FBXW9: variants seen among roughly 807,000 people sequenced by gnomAD.
FBXW9 encodes F-box and WD repeat domain containing 9, also known as F-box/WD repeat-containing protein 9.
A neutral mutation model predicts 55.8 loss-of-function variants in FBXW9; 38 were observed. That is an observed-to-expected ratio of 0.68 (90% confidence interval 0.53 to 0.89). The LOEUF (loss-of-function observed/expected upper bound fraction) is 0.89. FBXW9 is among the 40% of genes least tolerant of loss of function. The probability of loss-of-function intolerance (pLI) is 0.00; values close to 1 mark genes in which losing one functional copy is unlikely to be tolerated. For synonymous variants in FBXW9, 289 were observed against 278.2 expected (o/e 1.04, Z -0.38); for missense variants, 590 against 619.4 (o/e 0.95, Z 0.50).
intron 1 of FBXW9, 29 bp from the exon 2 acceptor site, chr19:12,694,967 G>A (rs1335102563): frequency 1.3e-5 from 21 of 1,603,850 alleles, no homozygotes; most frequent in African/African-American, 1.3e-5. Flanking sequence ...AGGGTGCCCA[G>A]TGGGCAGGGA....
At position 12,691,379 on chromosome 19, in the gene FBXW9, C is replaced by G. The variant is rs908256044; in HGVS notation, c.754G>C (p.Asp252His). The part of the protein sequence containing the change: ...GSWDSTVKLW[D>H]MAADGQQFGE... The stretch of plus-strand genomic sequence containing the variant: ...AACTGCTGCCCATCCGCTGCCATGT[C>G]CCAGAGCTTCACTGTGCTGTCCCAG... The change falls in exon 4 of 10, where the codon GAC becomes CAC. Residue 252 changes from aspartate (D) to histidine (H), a missense_variant. Coordinates refer to ENST00000393261, the MANE Select transcript of FBXW9 (RefSeq NM_032301.3). 6.2e-7 allele frequency: 1 copy of G among 1,613,132 alleles called. No homozygotes were observed. The highest frequency in any genetic ancestry group is 8.5e-7 in the Non-Finnish European group (1 of 1,179,624).
chr19:12,689,331 G>A lies in FBXW9; in HGVS notation c.1302+41C>T, dbSNP rs368302105. ...AACATGAGGAGTCAGGGACGATGGC[G>A]CTCTGGCCAGCTGGGCAGGGCACAT... On this transcript the variant is annotated intron_variant, in intron 9 of 9. Coordinates refer to ENST00000393261, the MANE Select transcript of FBXW9 (RefSeq NM_032301.3). This position sits in a 1 kb window ranked among gnomAD's most constrained non-coding sequence, Gnocchi z 5.9. 1.6e-5 allele frequency: 26 copies of A among 1,613,998 alleles called. No individual in the cohort carries two copies. In the Admixed American group the frequency reaches 1.7e-4, roughly 10 times the overall value.
In FBXW9 at chr19:12,691,193, TGTCATA is replaced by T; in HGVS notation, c.850_855del (p.Tyr284_Asp285del). 7 of 1,614,146 alleles carry T rather than the reference TGTCATA, an allele frequency of 4.3e-6. No individual in the cohort carries two copies. Among genetic ancestry groups the T allele is most frequent in the Non-Finnish European group, 5.1e-6 (6 of 1,180,022 alleles). ...CTGGGGTCGTAGATGGTCACCTTCTTGTCATAGGTGCCAGTCACCAGGATGTCAGGC... is the reference window on the plus strand; with the variant it reads ...CTGGGGTCGTAGATGGTCACCTTCTTGGTGCCAGTCACCAGGATGTCAGGC... On this transcript the variant is annotated inframe_deletion, in exon 5 of 10. Coordinates refer to ENST00000393261, the MANE Select transcript of FBXW9 (RefSeq NM_032301.3).
In FBXW9 at chr19:12,689,990, CG is replaced by C; in HGVS notation, c.1003del (p.Arg335GlufsTer117). The C allele has an allele frequency of 1.9e-6, 3 of 1,613,796 alleles. No individual in the cohort carries two copies. Among genetic ancestry groups the C allele is most frequent in the Non-Finnish European group, 2.5e-6 (3 of 1,179,942 alleles). ...CAGACGCTGCAGGACGCTGTTGGCT[CG>C]GCGGTCCACCACCACCAGGGTGTGG... ...EDHTLVVVDR[R>X]ANSVLQRLQL... On this transcript the variant is annotated frameshift_variant, in exon 6 of 10. Coordinates refer to ENST00000393261, the MANE Select transcript of FBXW9 (RefSeq NM_032301.3). LOFTEE classifies it high-confidence loss of function. This position sits in a 1 kb window ranked among gnomAD's most constrained non-coding sequence, Gnocchi z 5.9.
rs756631556 is a variant in FBXW9 at position 12,689,453 on chromosome 19, G to A, written c.1237-16C>T. The A allele has an allele frequency of 1.2e-6, 2 of 1,614,174 alleles. No individual in the cohort carries two copies. The highest frequency in any genetic ancestry group is 2.2e-5 in the South Asian group (2 of 91,078). On this transcript the variant is annotated splice_polypyrimidine_tract_variant and intron_variant, in intron 8 of 9. Transcript: ENST00000393261. The surrounding 1 kb of genome is among the most constrained non-coding windows in gnomAD (Gnocchi z 5.9). ...GCACGTGCACCTAGTGAGGGGCAATGGGCGAGGTCAAGAGGTGTGCCCCTG... is the reference window on the plus strand; with the variant it reads ...GCACGTGCACCTAGTGAGGGGCAATAGGCGAGGTCAAGAGGTGTGCCCCTG...
At chr19:12,690,697 T>C (rs545785216) in intron 5 of FBXW9, among the ~76,000 whole-genome samples, 1 of 152,218 alleles carries the variant, frequency 6.6e-6, no homozygotes, top group African/African-American at 2.4e-5. Flanking sequence ...GGTGGGTGGA[T>C]CACCTGAGGT....
chr19:12,692,959 C>T (rs897416483), intron 3 of FBXW9, among the ~76,000 whole-genome samples: 1 of 152,202 alleles, frequency 6.6e-6, no homozygotes, highest in Non-Finnish European at 1.5e-5. Flanking sequence ...TCAGTTCATT[C>T]ATCAGCAAAT....
At position 12,689,615 on chromosome 19, in the gene FBXW9, G is replaced by A; in HGVS notation, c.1162C>T (p.His388Tyr). The A allele has an allele frequency of 3.7e-6, 6 of 1,614,060 alleles. No homozygotes were observed. The highest frequency in any genetic ancestry group is 5.1e-6 in the Non-Finnish European group (6 of 1,179,976). ...FQLIRSFDVG[H>Y]SFPITGIQYS... is the part of the protein sequence containing the mutation. The stretch of plus-strand genomic sequence containing the variant: ...TGGATCCCAGTGATGGGAAAGCTGT[G>A]GCCCACATCAAAGGACTGCAGGAGG... The change falls in exon 8 of 10, where the codon CAC becomes TAC. Residue 388 changes from histidine to tyrosine, a missense_variant. Physicochemically the swap from His to Tyr is moderately conservative, Grantham distance 83. Transcript: ENST00000393261. This position sits in a 1 kb window ranked among gnomAD's most constrained non-coding sequence, Gnocchi z 5.9.
chr19:12,691,593 C>G (rs968276366), intron 3 of FBXW9, 139 bp from the exon 4 acceptor site: 2 of 676,638 alleles, frequency 3.0e-6, no homozygotes, highest in Non-Finnish European at 5.1e-6. Flanking sequence ...CCCCAGTGCC[C>G]ATGGTGATAG....
chr19:12,695,347 A>G (rs772952316), intron 1 of FBXW9, among the ~76,000 whole-genome samples: 1 of 152,158 alleles, frequency 6.6e-6, no homozygotes, highest in Non-Finnish European at 1.5e-5. Flanking sequence ...CTCAAACAGT[A>G]TCTGGAAACC....
intron 1 of FBXW9, 148 bp from the exon 2 acceptor site, chr19:12,695,086 G>A (rs1406860860): frequency 8.8e-6 from 8 of 907,436 alleles, no homozygotes; most frequent in South Asian, 3.6e-5. Context: ...ACCCCAAGCC[G>A]ACCCAGGCTG....
intron 5 of FBXW9, 139 bp from the exon 6 acceptor site, chr19:12,690,249 ATC>A: frequency 7.1e-7 from 1 of 1,409,428 alleles, no homozygotes; most frequent in East Asian, 2.5e-5. Flanking sequence ...AGAGTGACCC[ATC>A]TCTCCTCTCC....
rs558882751 is a variant in FBXW9, at chr19:12,696,381, G to C, written c.201C>G (p.Ala67=). Residue 67 remains alanine (A), a synonymous_variant, in exon 1 of 10, where the codon GCC becomes GCG. Coordinates refer to ENST00000393261, the MANE Select transcript of FBXW9 (RefSeq NM_032301.3). The stretch of plus-strand genomic sequence containing the variant: ...CACTTACGGCCGAAACCCTGGACGC[G>C]GCCCGAGGCTCCGAAGCGCTCGGGG... ...AASPSASEPR[A]ASRVSAVSEP... is the part of the protein sequence containing the mutation. 5.6e-6 allele frequency: 9 copies of C among 1,610,934 alleles called. No individual in the cohort carries two copies. Among genetic ancestry groups the C allele is most frequent in the Non-Finnish European group, 7.6e-6 (9 of 1,179,188 alleles).
intron 3 of FBXW9, among the ~76,000 whole-genome samples, chr19:12,693,275 T>G (rs548508267): frequency 6.6e-6 from 1 of 151,242 alleles, no homozygotes; most frequent in Non-Finnish European, 1.5e-5. Flanking sequence ...ATGCTCAGAG[T>G]TGGCTGATCT....
chr19:12,694,551 C>T (rs748057119), intron 3 of FBXW9, 43 bp downstream of exon 3: 1 of 1,595,590 alleles, frequency 6.3e-7, no homozygotes, highest in Admixed American at 1.7e-5. Flanking sequence ...ACCAAGATGC[C>T]CTACTCAGGC....
chr19:12,693,561 T>TACACACACACAC (rs1169069518), intron 3 of FBXW9, among the ~76,000 whole-genome samples: 4 of 10,268 alleles, frequency 3.9e-4, no homozygotes, highest in South Asian at 8.5e-3. Context: ...TATATATATA[T>TACACACACACAC]ACACACACAC....
chr19:12,690,137 G>A (rs1358395591), intron 5 of FBXW9, 27 bp from the exon 6 acceptor site: 3 of 1,612,688 alleles, frequency 1.9e-6, no homozygotes, highest in Non-Finnish European at 2.5e-6. Flanking sequence ...CCGGTGAGGA[G>A]GGATATCAGA....
rs768026306 is a variant in FBXW9, at chr19:12,696,464, G to C, written c.118C>G (p.Pro40Ala). The change falls in exon 1 of 10, where the codon CCG (proline) becomes GCG (alanine). Residue 40 changes from proline (P) to alanine (A), a missense_variant. By Grantham distance (27) the Pro-to-Ala change is conservative. Coordinates refer to ENST00000393261, the MANE Select transcript of FBXW9 (RefSeq NM_032301.3). ...AKAYVARVLS[P>A]PKSGLAFSRP... ...GAGAACGCCAGCCCGGATTTTGGCG[G>C]ACTGAGAACGCGGGCCACGTAGGCC... 1 of 1,612,648 alleles carries C rather than the reference G, an allele frequency of 6.2e-7. No individual in the cohort carries two copies. Among genetic ancestry groups the C allele is most frequent in the Non-Finnish European group, 8.5e-7 (1 of 1,179,904 alleles).
Position 12,689,278 on chromosome 19 carries a change from C to A in FBXW9, c.1315G>T (p.Gly439Cys). 1 of 1,614,226 alleles carries A rather than the reference C, an allele frequency of 6.2e-7. No individual in the cohort carries two copies. Among genetic ancestry groups the A allele is most frequent in the Non-Finnish European group, 8.5e-7 (1 of 1,180,036 alleles). Reference protein sequence around the residue: ...DNGLNRVCAEGNLVVAGSGDL... With the variant: ...DNGLNRVCAECNLVVAGSGDL... ...CCAGAGCCGGCCACCACCAGGTTGC[C>A]CTCAGCACAGACCTGGGAAGGGGGA... Residue 439 changes from glycine (G) to cysteine (C), a missense_variant, in exon 10 of 10, where the codon GGC becomes TGC. Transcript: ENST00000393261. This position sits in a 1 kb window ranked among gnomAD's most constrained non-coding sequence, Gnocchi z 5.9.
Sources: gnomAD v4.1 joint callset for allele counts (sites outside exome capture counted in the v4.1 genomes callset) on GRCh38, gnomAD v4.1.1 for gene constraint, Gnocchi (gnomAD v3.1) non-coding constraint, MANE v1.5 for transcripts, NCBI Gene and HGNC (gene_info 2026-07-23, HGNC 2026-07-21) for gene names.